The following FYB1 variants were observed in gnomAD, a reference collection of about 807,000 sequenced individuals.
FYB1 encodes the protein FYN binding protein 1, also known as FYN-binding protein 1.
A neutral mutation model predicts 94.1 loss-of-function variants in FYB1; 41 were observed. The ratio of observed to expected loss-of-function variants is 0.44; its 90% CI spans 0.34 to 0.57. The LOEUF (loss-of-function observed/expected upper bound fraction) is 0.57. Ranked by LOEUF, FYB1 falls within the 20% of genes least tolerant of loss-of-function variation. The probability of loss-of-function intolerance (pLI) is 0.02; values close to 1 mark genes in which losing one functional copy is unlikely to be tolerated. For missense variants in FYB1, 1,050 were observed against 976.8 expected (o/e 1.07, Z -1.00); for synonymous variants, 367 against 353.2 (o/e 1.04, Z -0.44).
chr5:39,115,064 T>A (rs1739400617), intron 16 of FYB1, among the ~76,000 whole-genome samples: 1 of 151,806 alleles, frequency 6.6e-6, no homozygotes, highest in Non-Finnish European at 1.5e-5. Flanking sequence ...GCATTCCAAG[T>A]TGAATAAAGT....
intron 2 of FYB1, among the ~76,000 whole-genome samples, chr5:39,182,681 A>G (rs1484617434): frequency 6.6e-6 from 1 of 152,206 alleles, no homozygotes; most frequent in Admixed American, 6.5e-5. Context: ...TTTGAAAGTC[A>G]GAGTACTTGG....
chr5:39,151,407 A>C (rs1743232334), intron 3 of FYB1, among the ~76,000 whole-genome samples: 2 of 152,112 alleles, frequency 1.3e-5, no homozygotes, highest in Admixed American at 6.6e-5. Flanking sequence ...CTCCTGCCTC[A>C]GCCTCCTGAG....
At chr5:39,144,074 T>C (rs1742424469) in intron 3 of FYB1, among the ~76,000 whole-genome samples, 4 of 152,204 alleles carry the variant, frequency 2.6e-5, no homozygotes, top group African/African-American at 4.8e-5. Flanking sequence ...GGATAATGTA[T>C]GTACAGTCAA....
intron 1 of FYB1, among the ~76,000 whole-genome samples, chr5:39,262,813 A>G (rs1030849386): frequency 1.3e-5 from 2 of 152,226 alleles, no homozygotes; most frequent in African/African-American, 4.8e-5. Flanking sequence ...ATCATGAAAA[A>G]AAATCTGGGC....
At chr5:39,259,575 A>G (rs1752130300) in intron 1 of FYB1, among the ~76,000 whole-genome samples, 1 of 152,240 alleles carries the variant, frequency 6.6e-6, no homozygotes, top group Admixed American at 6.5e-5. Context: ...TCCATAACAC[A>G]GGAAGAAAAC....
chr5:39,202,842 T>C lies in FYB1; in HGVS notation c.119A>G (p.Asn40Ser). Reference sequence around the variant, plus strand: ...AGGAGGGCTGGCATTTCCTTGGTTGTTGAATAAGTTCTTTCTTGCTTGTAT... The same window carrying C: ...AGGAGGGCTGGCATTTCCTTGGTTGCTGAATAAGTTCTTTCTTGCTTGTAT... ...SGIQARKNLF[N>S]NQGNASPPAG... is the part of the protein sequence containing the mutation. The change falls in exon 2 of 19, where the codon AAC (asparagine) becomes AGC (serine). Residue 40 changes from asparagine to serine, a missense_variant. Transcript: ENST00000512982. 1.9e-6 allele frequency: 3 copies of C among 1,614,024 alleles called. No individual in the cohort carries two copies. The highest frequency in any genetic ancestry group is 2.5e-6 in the Non-Finnish European group (3 of 1,179,898).
At chr5:39,164,585 T>C (rs1449017024) in intron 2 of FYB1, among the ~76,000 whole-genome samples, 1 of 152,068 alleles carries the variant, frequency 6.6e-6, no homozygotes, top group Non-Finnish European at 1.5e-5. Flanking sequence ...CCACCACACC[T>C]GGCTAATTGT....
At chr5:39,147,079 A>C (rs181825160) in intron 3 of FYB1, among the ~76,000 whole-genome samples, 2 of 152,194 alleles carry the variant, frequency 1.3e-5, no homozygotes, top group African/African-American at 4.8e-5. Context: ...GTGAATGAGA[A>C]GAAAAAGAAG....
At chr5:39,151,725 A>G (rs1404961888) in intron 3 of FYB1, among the ~76,000 whole-genome samples, 2 of 152,236 alleles carry the variant, frequency 1.3e-5, no homozygotes, top group Admixed American at 6.5e-5. Context: ...CATGACTGTA[A>G]AGGAAATCTA....
At chr5:39,258,207 TC>T (rs1752048207) in intron 1 of FYB1, among the ~76,000 whole-genome samples, 1 of 152,188 alleles carries the variant, frequency 6.6e-6, no homozygotes, top group African/African-American at 2.4e-5. Flanking sequence ...TGATTAATTC[TC>T]CTAGTGTCTC....
At chr5:39,138,537 G>T (rs1490654716) in intron 6 of FYB1, 120 bp downstream of exon 6, 3 of 528,760 alleles carry the variant, frequency 5.7e-6, no homozygotes, top group Non-Finnish European at 1.0e-5. Flanking sequence ...GTTATTATAC[G>T]CCAGTCATTT....
intron 1 of FYB1, among the ~76,000 whole-genome samples, chr5:39,203,909 G>C (rs917661845): frequency 2.6e-5 from 4 of 151,998 alleles, no homozygotes; most frequent in Non-Finnish European, 5.9e-5. Context: ...GAAAGTTAAT[G>C]GTGTGTTTGC....
chr5:39,158,574 CTT>C (rs1445949938), intron 2 of FYB1, among the ~76,000 whole-genome samples: 1 of 152,170 alleles, frequency 6.6e-6, no homozygotes, highest in Non-Finnish European at 1.5e-5. Context: ...ACTTCACAAA[CTT>C]TGCATTTTAT....
chr5:39,215,803 C>T (rs1749818492), intron 1 of FYB1, among the ~76,000 whole-genome samples: 1 of 152,076 alleles, frequency 6.6e-6, no homozygotes, highest in African/African-American at 2.4e-5. Context: ...ATGTATATGC[C>T]AAAAAGATAC....
intron 12 of FYB1, 97 bp from the exon 13 acceptor site, chr5:39,124,375 G>A (rs1740428454): frequency 1.5e-6 from 1 of 663,678 alleles, no homozygotes; most frequent in African/African-American, 1.9e-5. Flanking sequence ...ATAGCCTAGA[G>A]GCATATTGGG....
intron 2 of FYB1, among the ~76,000 whole-genome samples, chr5:39,180,407 C>T (rs1431857227): frequency 2.0e-5 from 3 of 152,140 alleles, no homozygotes; most frequent in Admixed American, 1.3e-4. Flanking sequence ...TTTTCCATTC[C>T]TCCCATCCTT....
intron 1 of FYB1, among the ~76,000 whole-genome samples, chr5:39,266,228 T>C (rs1752433162): frequency 6.6e-6 from 1 of 152,160 alleles, no homozygotes; most frequent in South Asian, 2.1e-4. Context: ...CTGCCTCTTC[T>C]CCCACTTCTA....
chr5:39,192,695 A>G (rs988144026), intron 2 of FYB1, among the ~76,000 whole-genome samples: 1 of 152,358 alleles, frequency 6.6e-6, no homozygotes, highest in Non-Finnish European at 1.5e-5. Flanking sequence ...GAGGATAACT[A>G]TATTAAGGGA....
chr5:39,110,713 TG>T (rs1287713244), intron 16 of FYB1: 10 of 303,114 alleles, frequency 3.3e-5, no homozygotes, highest in Non-Finnish European at 3.1e-5. Context: ...GTTACCCCCA[TG>T]ATCCAGTTTT....
Sources: allele counts gnomAD v4.1 joint callset (sites outside exome capture counted in the v4.1 genomes callset), GRCh38; gene constraint gnomAD v4.1.1; transcripts MANE v1.5; gene names NCBI Gene and HGNC (gene_info 2026-07-23, HGNC 2026-07-21).